The following TRAK2 variants were observed in gnomAD, a reference collection of about 807,000 sequenced individuals.
TRAK2 encodes the protein trafficking kinesin-binding protein 2.
TRAK2 carries 81 observed loss-of-function variants against 104.6 expected under a neutral mutation model. The observed-to-expected ratio is 0.77, with a 90% CI of 0.65 to 0.93. The LOEUF is 0.93. TRAK2 is among the 40% of genes least tolerant of loss of function. The pLI is 0.00. For synonymous variants in TRAK2, 406 were observed against 394.4 expected, an observed-to-expected ratio of 1.03 and a Z score of -0.35; for missense variants, 1,002 against 1,089.0, an observed-to-expected ratio of 0.92 and a Z score of 1.12.
intron 7 of TRAK2, 69 bp from the exon 8 acceptor site, chr2:201,395,513 T>A: frequency 1.4e-6 from 2 of 1,421,534 alleles, no homozygotes; most frequent in Non-Finnish European, 1.9e-6. Context: ...CTATGACTTG[T>A]GAGCTAAATC....
At chr2:201,395,499 CA>C (rs1466160967) in intron 7 of TRAK2, 55 bp from the exon 8 acceptor site, 2 of 1,438,530 alleles carry the variant, frequency 1.4e-6, no homozygotes, top group Non-Finnish European at 1.9e-6. Flanking sequence ...AAGGAGTTGG[CA>C]AACTATGACT....
chr2:201,413,449 A>T, intron 2 of TRAK2: 2 of 423,536 alleles, frequency 4.7e-6, no homozygotes, highest in Non-Finnish European at 4.2e-6. Context: ...AGGGAAAGGG[A>T]TAGGGAGGGG....
At chr2:201,437,753 AC>A (rs756049833) in intron 1 of TRAK2, among the ~76,000 whole-genome samples, 15 of 151,580 alleles carry the variant, frequency 9.9e-5, no homozygotes, top group Non-Finnish European at 1.9e-4. Flanking sequence ...AACCCTCTCT[AC>A]TCTGAGCTGA....
chr2:201,400,884 TC>T, intron 4 of TRAK2, 133 bp downstream of exon 4: 1 of 540,280 alleles, frequency 1.9e-6, no homozygotes, highest in Non-Finnish European at 3.3e-6. Flanking sequence ...TGTCAGTTGT[TC>T]CAGTAGCAAC....
At chr2:201,389,660 C>CA (rs1219894665) in intron 11 of TRAK2, 141 bp downstream of exon 11, 4 of 1,078,016 alleles carry the variant, frequency 3.7e-6, no homozygotes, top group Non-Finnish European at 4.1e-6. Context: ...AACTCTCTCA[C>CA]AAAAAAAGGA....
chr2:201,391,470 A>G (rs780969703), intron 10 of TRAK2, among the ~76,000 whole-genome samples: 1 of 152,212 alleles, frequency 6.6e-6, no homozygotes, highest in Non-Finnish European at 1.5e-5. Context: ...AGAACCATCA[A>G]TGGGTGCTAA....
intron 1 of TRAK2, chr2:201,433,345 G>A (rs765015221): frequency 6.6e-6 from 1 of 152,186 alleles, no homozygotes; most frequent in Non-Finnish European, 1.5e-5. Context: ...TTATAAAGTT[G>A]ACCCTGAGGA....
chr2:201,430,569 G>A (rs997567009), intron 1 of TRAK2, among the ~76,000 whole-genome samples: 2 of 152,208 alleles, frequency 1.3e-5, no homozygotes, highest in African/African-American at 2.4e-5. Context: ...CTTACAGTTC[G>A]ATCTTGGACT....
intron 1 of TRAK2, among the ~76,000 whole-genome samples, chr2:201,439,835 CA>C (rs375243070): frequency 7.0e-6 from 1 of 143,458 alleles, no homozygotes; most frequent in East Asian, 2.1e-4. Context: ...ATCGCAAGGA[CA>C]AAAAACCAAA....
intron 14 of TRAK2, among the ~76,000 whole-genome samples, chr2:201,384,886 G>A (rs1951374834): frequency 6.6e-6 from 1 of 152,192 alleles, no homozygotes. Context: ...CACTCTTGCT[G>A]CACACTGAGA....
chr2:201,395,453 C>CA lies in TRAK2; in HGVS notation c.770-10dup, dbSNP rs745552193. On this transcript the variant is annotated splice_polypyrimidine_tract_variant and intron_variant, in intron 7 of 15. Transcript: ENST00000332624. ...CTGAGCATTTGTTTCACCTTGGAAG[C>CA]AAAAAAAATTTTTTTAAATTAATAC... 3.7e-5 allele frequency: 56 copies of CA among 1,497,750 alleles called. No individual in the cohort carries two copies. Among genetic ancestry groups the CA allele is most frequent in the Non-Finnish European group, 4.6e-5 (51 of 1,112,106 alleles). The allele number at this position is 1,497,750 out of a possible 1,614,324, so 92.8% of individuals were successfully genotyped here.
At position 201,380,916 on chromosome 2, in the gene TRAK2, G is replaced by T. The variant is rs1308161066; in HGVS notation, c.2372C>A (p.Pro791His). The T allele has an allele frequency of 6.2e-7, 1 of 1,614,134 alleles. No homozygotes were observed. The highest frequency in any genetic ancestry group is 1.1e-5 in the South Asian group (1 of 91,082). ...AGAGAGATGCACTCGAGGCTCAAAGGGTAAAGGAGAAGGGCAAGGTGAGTG... is the reference window on the plus strand; with the variant it reads ...AGAGAGATGCACTCGAGGCTCAAAGTGTAAAGGAGAAGGGCAAGGTGAGTG... ...PSHSPCPSPLPFEPRVHLSEN... is the reference protein window; with the variant it reads ...PSHSPCPSPLHFEPRVHLSEN... Residue 791 changes from proline to histidine, a missense_variant, in exon 16 of 16, where the codon CCC (proline) becomes CAC (histidine). Transcript: ENST00000332624.
At chr2:201,391,904 T>G (rs1369866154) in intron 10 of TRAK2, among the ~76,000 whole-genome samples, 1 of 152,164 alleles carries the variant, frequency 6.6e-6, no homozygotes, top group Non-Finnish European at 1.5e-5. Context: ...AAATTCAATG[T>G]ATCCTTTGAA....
intron 4 of TRAK2, 41 bp downstream of exon 4, chr2:201,400,977 G>T: frequency 1.3e-6 from 2 of 1,513,360 alleles, no homozygotes; most frequent in East Asian, 2.3e-5. Context: ...TGATCCTCAA[G>T]TTTTACCTTT....
chr2:201,449,534 G>T (rs1463300638), intron 1 of TRAK2, among the ~76,000 whole-genome samples: 4 of 148,448 alleles, frequency 2.7e-5, no homozygotes, highest in Non-Finnish European at 5.9e-5. Flanking sequence ...GCCCAGACTG[G>T]AGTGCAATGG....
Position 201,420,363 on chromosome 2 carries a change from T to C in TRAK2, c.91+54A>G, listed in dbSNP as rs939351695. ...GGTCATATATGCTGGACTGAGGCAT[T>C]TGCATTTTCTCCTATAAGCGATAGC... On this transcript the variant is annotated intron_variant, in intron 2 of 15. Transcript: ENST00000332624. 7.5e-6 allele frequency: 11 copies of C among 1,471,176 alleles called. No homozygotes were observed. The East Asian group carries it at 9.1e-5, about 12-fold the overall frequency. 91.1% of individuals were successfully genotyped at this position (1,471,176 alleles called of 1,614,324 possible).
At chr2:201,427,420 T>C (rs900403144) in intron 1 of TRAK2, among the ~76,000 whole-genome samples, 1 of 151,084 alleles carries the variant, frequency 6.6e-6, no homozygotes, top group Non-Finnish European at 1.5e-5. Context: ...GAACATGTGG[T>C]GTTTGGTTTT....
chr2:201,384,928 C>T (rs1951375245), intron 14 of TRAK2, among the ~76,000 whole-genome samples: 1 of 152,064 alleles, frequency 6.6e-6, no homozygotes, highest in Non-Finnish European at 1.5e-5. Flanking sequence ...AACACTTGTG[C>T]AACTGATTTG....
In TRAK2 at chr2:201,430,591, C is replaced by T. The variant is rs182649198; in HGVS notation, c.-199-9885G>A. On this transcript the variant is annotated intron_variant, in intron 1 of 15. Transcript: ENST00000332624. ...TTCGATCTTGGACTGCTGTGCTAGC[C>T]GTGACCAAGGCTCCGTGGGCATGGG... Among the ~76,000 whole-genome samples, 8 of 152,312 alleles carry T rather than the reference C, an allele frequency of 5.3e-5. No individual in the cohort carries two copies. The East Asian group carries it at 1.4e-3, about 26-fold the overall frequency.
Sources: gnomAD v4.1 joint callset for allele counts (sites outside exome capture counted in the v4.1 genomes callset) on GRCh38, gnomAD v4.1.1 for gene constraint, MANE v1.5 for transcripts, NCBI Gene and HGNC (gene_info 2026-07-23, HGNC 2026-07-21) for gene names.